PTGES2: variants seen among roughly 807,000 people sequenced by gnomAD.
PTGES2 encodes the protein GATE-binding factor 1.
Under a neutral mutation model 44.5 loss-of-function variants are expected in PTGES2, and 35 were observed. The ratio of observed to expected loss-of-function variants is 0.79; its 90% CI spans 0.60 to 1.04. The LOEUF (loss-of-function observed/expected upper bound fraction) is 1.04. PTGES2 is among the 50% of genes least tolerant of loss of function. PTGES2 has a pLI of 0.00. For synonymous variants in PTGES2, 221 were observed against 227.5 expected, an observed-to-expected ratio of 0.97 and a Z score of 0.26; for missense variants, 517 against 521.4, an observed-to-expected ratio of 0.99 and a Z score of 0.08.
At position 128,122,482 on chromosome 9, in the gene PTGES2, G is replaced by A. The variant is rs994337306; in HGVS notation, c.888-3C>T. The stretch of plus-strand genomic sequence containing the variant: ...GCACGTTGTCCTGGAGGCGGTGCCT[G>A]GGCGGGGAAGGGAAAAGCCCCTCAG... On this transcript the variant is annotated splice_polypyrimidine_tract_variant and splice_region_variant and intron_variant, in intron 5 of 6. Transcript: ENST00000338961. 3 of 1,612,834 alleles carry A rather than the reference G, an allele frequency of 1.9e-6. No homozygotes were observed. The highest frequency in any genetic ancestry group is 2.5e-6 in the Non-Finnish European group (3 of 1,179,046).
intron 1 of PTGES2, 21 bp downstream of exon 1, chr9:128,127,418 C>T: frequency 7.5e-7 from 1 of 1,341,368 alleles, no homozygotes; most frequent in Admixed American, 3.1e-5. Flanking sequence ...CATCCCCATC[C>T]CCGGCCGGGC....
chr9:128,125,446 G>A lies in PTGES2; in HGVS notation c.280-5C>T, dbSNP rs755240528. The A allele has an allele frequency of 1.7e-5, 28 of 1,613,534 alleles. No homozygotes were observed. The highest frequency in any genetic ancestry group is 3.3e-4 in the Middle Eastern group (2 of 5,982). ...CAGGCGGCTGGACAGGGAGAGCTGCGGGCAGCAGACGGAAAAGGCTTCTAG... is the reference window on the plus strand; with the variant it reads ...CAGGCGGCTGGACAGGGAGAGCTGCAGGCAGCAGACGGAAAAGGCTTCTAG... On this transcript the variant is annotated splice_polypyrimidine_tract_variant and splice_region_variant and intron_variant, in intron 1 of 6. Transcript: ENST00000338961.
chr9:128,121,017 T>C lies in PTGES2; in HGVS notation c.*128A>G. ...CCTGTGTTAGAAGCGAGAGGGCTGG[T>C]GGGGGTGCGTGGACAAGGGGCAGAA... On this transcript the variant is annotated 3_prime_UTR_variant, in exon 7 of 7. Transcript: ENST00000338961. The C allele has an allele frequency of 8.2e-7, 1 of 1,212,696 alleles. No individual in the cohort carries two copies. The highest frequency in any genetic ancestry group is 1.1e-6 in the Non-Finnish European group (1 of 870,886). 75.1% of individuals were successfully genotyped at this position (1,212,696 alleles called of 1,614,324 possible).
At chr9:128,121,629 T>A (rs1454150678) in intron 6 of PTGES2, among the ~76,000 whole-genome samples, 2 of 151,992 alleles carry the variant, frequency 1.3e-5, no homozygotes, top group Non-Finnish European at 2.9e-5. Context: ...AAATGAGCAG[T>A]GGGCCAGGCA....
At chr9:128,127,828 G>A (rs10819365), upstream of PTGES2, 129,875 of 1,035,818 alleles carry the variant, frequency 0.13, 8,837 homozygotes, top group African/African-American at 0.22. Context: ...GGGTGAGGGC[G>A]ACGCTAAGGG....
intron 5 of PTGES2, 125 bp downstream of exon 5, chr9:128,122,809 T>C: frequency 2.1e-6 from 2 of 966,058 alleles, no homozygotes; most frequent in South Asian, 3.0e-5. Context: ...TAATCCATAA[T>C]GCGTTTCCCA....
intron 2 of PTGES2, 94 bp from the exon 3 acceptor site, chr9:128,124,644 T>G: frequency 7.2e-7 from 1 of 1,395,168 alleles, no homozygotes; most frequent in African/African-American, 1.4e-5. Flanking sequence ...GCATTGTTTA[T>G]CCATTCCTGG....
intron 2 of PTGES2, among the ~76,000 whole-genome samples, 166 bp downstream of exon 2, chr9:128,125,078 G>A (rs1320466385): frequency 6.6e-6 from 1 of 152,172 alleles, no homozygotes; most frequent in Non-Finnish European, 1.5e-5. Flanking sequence ...GAAGGAGAGA[G>A]CCTACATTTA....
Position 128,127,466 on chromosome 9 carries a change from G to T in PTGES2, c.252C>A (p.Asp84Glu). Residue 84 changes from aspartate to glutamate, a missense_variant, in exon 1 of 7, where the codon GAC becomes GAA. Asp to Glu is a conservative substitution (Grantham distance 45). Transcript: ENST00000338961. ...HTARWHLRAQ[D>E]LHAERSAAQL... ...GCGCGGCTGAGCGCTCTGCGTGGAG[G>T]TCCTGGGCGCGCAGGTGCCACCGCG... 7.1e-7 allele frequency: 1 copy of T among 1,401,438 alleles called. No homozygotes were observed. Among genetic ancestry groups the T allele is most frequent in the Non-Finnish European group, 9.3e-7 (1 of 1,073,076 alleles). The allele number at this position is 1,401,438 out of a possible 1,614,324, so 86.8% of individuals were successfully genotyped here. A position where few individuals can be genotyped will look rare whatever the true frequency, so the allele number is the denominator to read the frequency against.
Position 128,123,676 on chromosome 9 carries a change from C to T in PTGES2, c.686+26G>A, listed in dbSNP as rs1232304506. 1 of 1,596,148 alleles carries T rather than the reference C, an allele frequency of 6.3e-7. No individual in the cohort carries two copies. The highest frequency in any genetic ancestry group is 1.7e-5 in the Admixed American group (1 of 59,644). On this transcript the variant is annotated intron_variant, in intron 4 of 6. Coordinates refer to ENST00000338961, the MANE Select transcript of PTGES2 (RefSeq NM_025072.7). The surrounding 1 kb of genome is among the most constrained non-coding windows in gnomAD (Gnocchi z 4.4). ...AGAAGACCCCTGCGGTCACCACCTT[C>T]CCCCGCCAGCCCCAGCCCCACTCAC...
In PTGES2 at chr9:128,121,101, G is replaced by C; in HGVS notation, c.*44C>G. 3 of 1,555,088 alleles carry C rather than the reference G, an allele frequency of 1.9e-6. No homozygotes were observed. The highest frequency in any genetic ancestry group is 2.6e-6 in the Non-Finnish European group (3 of 1,150,592). On this transcript the variant is annotated 3_prime_UTR_variant, in exon 7 of 7. Transcript: ENST00000338961. ...GGCCCAGTGGCCCCAGGCCCTGGCA[G>C]CTGGCGTCTTCCGCTGCCTTCCCTC...
At chr9:128,122,114 G>A (rs1233360266) in intron 6 of PTGES2, among the ~76,000 whole-genome samples, 4 of 152,188 alleles carry the variant, frequency 2.6e-5, no homozygotes, top group African/African-American at 9.7e-5. Context: ...CACCACCCGG[G>A]CCTCTGGATC....
upstream of PTGES2, chr9:128,127,989 G>A (rs1326534831): frequency 2.3e-6 from 1 of 437,056 alleles, no homozygotes; most frequent in East Asian, 4.1e-5. Context: ...CGACTGCAGG[G>A]GGGCGAACGT....
Position 128,127,692 on chromosome 9 carries a change from C to G in PTGES2, c.26G>C (p.Arg9Pro), listed in dbSNP as rs1177661924. 22 of 1,286,152 alleles carry G rather than the reference C, an allele frequency of 1.7e-5. 1 individual carries two copies. The highest frequency in any genetic ancestry group is 5.9e-4 in the Middle Eastern group (2 of 3,386). The allele number at this position is 1,286,152 out of a possible 1,614,324, so 79.7% of individuals were successfully genotyped here. Residue 9 changes from arginine to proline, a missense_variant, in exon 1 of 7, where the codon CGG (arginine) becomes CCG (proline). Coordinates refer to ENST00000338961, the MANE Select transcript of PTGES2 (RefSeq NM_025072.7). ...GGCGCACCCACCAGGCCACAGCGCC[C>G]GCACCACCCGCGCAGCCGGGTCCAT... Reference protein sequence around the residue: MDPAARVVRALWPGGCALA... With the variant: MDPAARVVPALWPGGCALA...
chr9:128,127,862 G>T, upstream of PTGES2: 2 of 850,084 alleles, frequency 2.4e-6, no homozygotes, highest in Non-Finnish European at 1.6e-6. Flanking sequence ...CTCGGGACTG[G>T]GCGTGTGCCC....
intron 6 of PTGES2, among the ~76,000 whole-genome samples, 184 bp from the exon 7 acceptor site, chr9:128,121,457 T>G (rs1023425424): frequency 6.6e-6 from 1 of 152,166 alleles, no homozygotes; most frequent in African/African-American, 2.4e-5. Context: ...AGGTCTCGCC[T>G]GCTTCACATC....
In PTGES2 at chr9:128,125,402, A is replaced by T; in HGVS notation, c.319T>A (p.Tyr107Asn). The change falls in exon 2 of 7, where the codon TAC (tyrosine) becomes AAC (asparagine). Residue 107 changes from tyrosine (Y) to asparagine (N), a missense_variant. By Grantham distance (143) the Tyr-to-Asn change is moderately radical. Transcript: ENST00000338961. ...SSRLQLTLYQ[Y>N]KTCPFCSKVR... ...TTGCTGCAGAAGGGACACGTCTTGT[A>T]CTGGTACAGGGTCAGCTGCAGGCGG... The T allele has an allele frequency of 6.2e-7, 1 of 1,614,112 alleles. No individual in the cohort carries two copies. Among genetic ancestry groups the T allele is most frequent in the Non-Finnish European group, 8.5e-7 (1 of 1,180,012 alleles).
rs1404471235 is a variant in PTGES2 at position 128,123,211 on chromosome 9, C to G, written c.687-77G>C. On this transcript the variant is annotated intron_variant, in intron 4 of 6. Transcript: ENST00000338961. The surrounding 1 kb of genome is among the most constrained non-coding windows in gnomAD (Gnocchi z 4.4). ...CAGGCTGCATTCTCTAGAACATACC[C>G]ACTGCACGGGCGGGAAGCTGAAGCC... 4.1e-5 allele frequency: 57 copies of G among 1,400,550 alleles called. No homozygotes were observed. The highest frequency in any genetic ancestry group is 5.0e-5 in the Non-Finnish European group (51 of 1,016,046). The allele number at this position is 1,400,550 out of a possible 1,614,324, so 86.8% of individuals were successfully genotyped here. A position where few individuals can be genotyped will look rare whatever the true frequency, so the allele number is the denominator to read the frequency against.
chr9:128,128,168 C>T (rs1211191113), upstream of PTGES2: 2 of 134,572 alleles, frequency 1.5e-5, no homozygotes, highest in South Asian at 7.9e-5. Flanking sequence ...CGACCCGGCA[C>T]CAGGTGTTGC....
Sources: gnomAD v4.1 joint callset for allele counts (sites outside exome capture counted in the v4.1 genomes callset) on GRCh38, gnomAD v4.1.1 for gene constraint, Gnocchi (gnomAD v3.1) non-coding constraint, MANE v1.5 for transcripts, NCBI Gene and HGNC (gene_info 2026-07-23, HGNC 2026-07-21) for gene names.